The following UNC13C variants were observed in gnomAD, a reference collection of about 807,000 sequenced individuals.
UNC13C encodes protein unc-13 homolog C.
A neutral mutation model predicts 245.4 loss-of-function variants in UNC13C; 174 were observed. The ratio of observed to expected loss-of-function variants is 0.71; its 90% CI spans 0.63 to 0.80. The LOEUF (loss-of-function observed/expected upper bound fraction) is 0.80. Ranked by LOEUF, UNC13C falls within the 30% of genes least tolerant of loss-of-function variation. The pLI is 0.00. For synonymous variants in UNC13C, 992 were observed against 895.1 expected (o/e 1.11, Z -1.93); for missense variants, 2,829 against 2,602.9 (o/e 1.09, Z -1.89).
At chr15:53,954,818 C>T in the UNC13C span, among the ~76,000 whole-genome samples, 2 of 152,146 alleles carry the variant, frequency 1.3e-5, no homozygotes, top group African/African-American at 2.4e-5. Flanking sequence ...TTACAAAATG[C>T]TACGGTTAAG....
At chr15:54,026,081 C>T (rs1200892651) in intron 2 of UNC13C, among the ~76,000 whole-genome samples, 2 of 152,112 alleles carry the variant, frequency 1.3e-5, no homozygotes, top group African/African-American at 4.8e-5. Flanking sequence ...TGATAATTTA[C>T]TTAATGTTTA....
At chr15:54,025,055 C>T (rs912147573) in intron 2 of UNC13C, among the ~76,000 whole-genome samples, 2 of 152,276 alleles carry the variant, frequency 1.3e-5, no homozygotes, top group African/African-American at 4.8e-5. Context: ...TAATAATTGG[C>T]AGATTCAAAC....
chr15:54,197,084 A>G (rs964209026), intron 4 of UNC13C, among the ~76,000 whole-genome samples: 1 of 152,170 alleles, frequency 6.6e-6, no homozygotes, highest in African/African-American at 2.4e-5. Context: ...AATTAAAGGT[A>G]TAACATTTGG....
At chr15:53,967,135 T>C in the UNC13C span, among the ~76,000 whole-genome samples, 3 of 152,056 alleles carry the variant, frequency 2.0e-5, no homozygotes, top group Non-Finnish European at 2.9e-5. Flanking sequence ...TTTGAACTTA[T>C]ATGAACTATG....
intron 28 of UNC13C, among the ~76,000 whole-genome samples, chr15:54,552,606 AATTATATAATTAT>A (rs1329814310): frequency 5.4e-5 from 3 of 55,108 alleles, no homozygotes; most frequent in South Asian, 5.9e-4. Context: ...TATAATATAT[AATTATATAATTAT>A]ATTATATATT....
intron 19 of UNC13C, among the ~76,000 whole-genome samples, chr15:54,441,706 T>C (rs1321092756): frequency 6.6e-6 from 1 of 152,132 alleles, no homozygotes; most frequent in Admixed American, 6.5e-5. Flanking sequence ...TTTTAGGATT[T>C]TTTTTTTCAT....
chr15:54,518,747 T>C (rs1895088297), intron 24 of UNC13C, among the ~76,000 whole-genome samples: 1 of 152,158 alleles, frequency 6.6e-6, no homozygotes, highest in Non-Finnish European at 1.5e-5. Context: ...CTGGGTGGAC[T>C]ATATTCACAT....
At chr15:54,561,176 G>C (rs1182490630) in intron 29 of UNC13C, among the ~76,000 whole-genome samples, 1 of 151,914 alleles carries the variant, frequency 6.6e-6, no homozygotes, top group African/African-American at 2.4e-5. Context: ...GCACAGCCCT[G>C]GTTAGATTCT....
At chr15:54,230,045 A>T (rs1156753723) in intron 4 of UNC13C, among the ~76,000 whole-genome samples, 1 of 152,110 alleles carries the variant, frequency 6.6e-6, no homozygotes, top group Admixed American at 6.5e-5. Flanking sequence ...TTGATTTCAT[A>T]CCCTGGCTAT....
chr15:54,048,390 G>A (rs1041774337), intron 2 of UNC13C, among the ~76,000 whole-genome samples: 2 of 152,102 alleles, frequency 1.3e-5, no homozygotes, highest in Non-Finnish European at 2.9e-5. Flanking sequence ...CATGTGTTTT[G>A]TATTTTGCAG....
intron 4 of UNC13C, among the ~76,000 whole-genome samples, chr15:54,220,139 A>T (rs1413971460): frequency 6.6e-6 from 1 of 151,174 alleles, no homozygotes; most frequent in African/African-American, 2.5e-5. Flanking sequence ...ATAAAGACAC[A>T]TGCACATGTA....
intron 17 of UNC13C, among the ~76,000 whole-genome samples, chr15:54,381,618 T>C (rs2039726668): frequency 6.6e-6 from 1 of 152,206 alleles, no homozygotes; most frequent in African/African-American, 2.4e-5. Context: ...TGTGTCTTTT[T>C]AAATTTCTTT....
chr15:54,156,901 G>A (rs1312715563), intron 4 of UNC13C, among the ~76,000 whole-genome samples: 1 of 151,762 alleles, frequency 6.6e-6, no homozygotes, highest in African/African-American at 2.4e-5. Context: ...AAGAGCTGAG[G>A]ATGGCAATTC....
At chr15:54,026,808 A>G (rs1430756164) in intron 2 of UNC13C, among the ~76,000 whole-genome samples, 1 of 152,174 alleles carries the variant, frequency 6.6e-6, no homozygotes, top group African/African-American at 2.4e-5. Flanking sequence ...TAATTCATGC[A>G]TTGGTTCATT....
chr15:54,041,982 T>C (rs187194367), intron 2 of UNC13C, among the ~76,000 whole-genome samples: 1 of 152,208 alleles, frequency 6.6e-6, no homozygotes, highest in Non-Finnish European at 1.5e-5. Flanking sequence ...CTTAGCATGA[T>C]GGTGCTGAGG....
chr15:53,898,444 T>C, the UNC13C span, among the ~76,000 whole-genome samples: 1 of 151,720 alleles, frequency 6.6e-6, no homozygotes, highest in African/African-American at 2.4e-5. Context: ...GCATACACAC[T>C]AACACACTTT....
intron 19 of UNC13C, among the ~76,000 whole-genome samples, chr15:54,463,739 A>G (rs1306499156): frequency 1.3e-5 from 2 of 152,190 alleles, no homozygotes; most frequent in African/African-American, 4.8e-5. Flanking sequence ...GAAATCAGTT[A>G]GACCAAGAAC....
rs112493590 is a variant in UNC13C, at chr15:54,567,754, C to T, written c.5959-46C>T. ...TATTAGAGTAATAAATTCTGTCTTC[C>T]AATACTTCTCTCTAAATGCCTCGGC... On this transcript the variant is annotated intron_variant, in intron 29 of 32. Transcript: ENST00000260323. 1.3e-3 allele frequency: 1,895 copies of T among 1,505,414 alleles called. 26 individuals are homozygous for T. The African/African-American group carries it at 0.025, about 19-fold the overall frequency. 93.3% of individuals were successfully genotyped at this position (1,505,414 alleles called of 1,614,324 possible).
At chr15:54,629,307 TAAGA>T (rs947590241), downstream of UNC13C, 3 of 151,966 alleles carry the variant, frequency 2.0e-5, no homozygotes, top group Non-Finnish European at 4.4e-5. Context: ...AGGGAAAAGA[TAAGA>T]AAAAGTATCT....
Sources: gnomAD v4.1 joint callset for allele counts (sites outside exome capture counted in the v4.1 genomes callset) on GRCh38, gnomAD v4.1.1 for gene constraint, MANE v1.5 for transcripts, NCBI Gene and HGNC (gene_info 2026-07-23, HGNC 2026-07-21) for gene names.